The following MIER2 variants were observed in gnomAD, a reference collection of about 807,000 sequenced individuals.
MIER2 encodes the protein MIER family member 2, also known as mesoderm induction early response protein 2.
MIER2 carries 30 observed loss-of-function variants against 67.6 expected under a neutral mutation model. The ratio of observed to expected loss-of-function variants is 0.44; its 90% CI spans 0.33 to 0.60. MIER2 has a LOEUF of 0.60. Ranked by LOEUF, MIER2 falls within the 20% of genes least tolerant of loss-of-function variation. The probability of loss-of-function intolerance (pLI) is 0.02; values close to 1 mark genes in which losing one functional copy is unlikely to be tolerated. For synonymous variants in MIER2, 372 were observed against 312.6 expected (o/e 1.19, Z -2.00); for missense variants, 702 against 745.1 (o/e 0.94, Z 0.67).
Position 308,974 on chromosome 19 carries a change from AGCACCT to A in MIER2, c.985-55_985-50del. 6.3e-7 allele frequency: 1 copy of A among 1,575,174 alleles called. No individual in the cohort carries two copies. The highest frequency in any genetic ancestry group is 8.7e-7 in the Non-Finnish European group (1 of 1,154,396). ...TCTCTGTCCCCGGCTGCCCAGCCCC[AGCACCT>A]GCACCACGATCCCAGGACGTCCTGG... On this transcript the variant is annotated intron_variant, in intron 10 of 13. Transcript: ENST00000264819. This position sits in a 1 kb window ranked among gnomAD's most constrained non-coding sequence, Gnocchi z 9.1.
chr19:311,639 G>A (rs1270201475), intron 10 of MIER2, among the ~76,000 whole-genome samples: 2 of 152,324 alleles, frequency 1.3e-5, no homozygotes, highest in East Asian at 3.9e-4. Context: ...CCCAAAGCCA[G>A]AGCCTTGTTC....
chr19:315,595 T>C (rs140766168), intron 7 of MIER2, among the ~76,000 whole-genome samples: 156 of 152,332 alleles, frequency 1.0e-3, no homozygotes, highest in African/African-American at 3.7e-3. Flanking sequence ...ACAGCTTTTT[T>C]ACCAGCAGCC....
At position 334,499 on chromosome 19, in the gene MIER2, C is replaced by A. The variant is rs748112695; in HGVS notation, c.144G>T (p.Glu48Asp). Residue 48 changes from glutamate to aspartate, a missense_variant, in exon 3 of 14, where the codon GAG becomes GAT. Coordinates refer to ENST00000264819, the MANE Select transcript of MIER2 (RefSeq NM_017550.3). ...GSGDHQFNLA[E>D]ILSQNYSVRG... ...TAACACTGTAGTTCTGTGACAGGATCTCTGCGAGGTTGAACTGATGGTCTC... is the reference window on the plus strand; with the variant it reads ...TAACACTGTAGTTCTGTGACAGGATATCTGCGAGGTTGAACTGATGGTCTC... 1.2e-6 allele frequency: 2 copies of A among 1,614,154 alleles called. No homozygotes were observed. The highest frequency in any genetic ancestry group is 2.2e-5 in the South Asian group (2 of 91,078).
In MIER2 at chr19:327,195, TCAG is replaced by T. The variant is rs780994155; in HGVS notation, c.428_430del (p.Ala143del). ...GGAGGTCACGGACGGGGTGAGGTCG[TCAG>T]CAGATGATTGCGTCTCTTCCTCTTC... On this transcript the variant is annotated inframe_deletion, in exon 5 of 14. Coordinates refer to ENST00000264819, the MANE Select transcript of MIER2 (RefSeq NM_017550.3). 1.9e-6 allele frequency: 3 copies of T among 1,593,898 alleles called. No individual in the cohort carries two copies. The highest frequency in any genetic ancestry group is 1.1e-5 in the South Asian group (1 of 87,434).
intron 5 of MIER2, 184 bp downstream of exon 5, chr19:326,949 A>G: frequency 1.3e-6 from 1 of 780,638 alleles, no homozygotes; most frequent in Non-Finnish European, 2.0e-6. Flanking sequence ...CTGAGAGTCC[A>G]GGCTCACTGG....
At chr19:310,639 A>G (rs8111494) in intron 10 of MIER2, among the ~76,000 whole-genome samples, 119,901 of 126,858 alleles carry the variant, frequency 0.95, 56,542 homozygotes, top group Middle Eastern at 0.97. Flanking sequence ...CTATAGAAAC[A>G]GCCCAGAGTC....
chr19:310,523 G>A (rs1293698554), intron 10 of MIER2, among the ~76,000 whole-genome samples: 3 of 149,434 alleles, frequency 2.0e-5, no homozygotes, highest in African/African-American at 5.0e-5. Flanking sequence ...GCGGCCCTGA[G>A]CTATAGAAAC....
rs546039421 is a variant in MIER2 at position 313,455 on chromosome 19, C to T, written c.807+37G>A. The T allele has an allele frequency of 2.5e-6, 4 of 1,598,728 alleles. No homozygotes were observed. In the South Asian group the frequency reaches 3.3e-5, roughly 13 times the overall value. ...TGAGCTCTGGCCCACGCCACGGCAG[C>T]CCTCAGCCCCTCTGTCCCCGGCATG... On this transcript the variant is annotated intron_variant, in intron 8 of 13. Coordinates refer to ENST00000264819, the MANE Select transcript of MIER2 (RefSeq NM_017550.3).
chr19:327,193 C>A lies in MIER2; in HGVS notation c.433G>T (p.Asp145Tyr). ...EEEETQSSAD[D>Y]LTPSVTSHEA... Reference sequence around the variant, plus strand: ...TGGGAGGTCACGGACGGGGTGAGGTCGTCAGCAGATGATTGCGTCTCTTCC... The same window carrying A: ...TGGGAGGTCACGGACGGGGTGAGGTAGTCAGCAGATGATTGCGTCTCTTCC... The change falls in exon 5 of 14, where the codon GAC becomes TAC. Residue 145 changes from aspartate to tyrosine, a missense_variant. By Grantham distance (160) the Asp-to-Tyr change is radical. Coordinates refer to ENST00000264819, the MANE Select transcript of MIER2 (RefSeq NM_017550.3). 6.3e-7 allele frequency: 1 copy of A among 1,595,326 alleles called. No individual in the cohort carries two copies. Among genetic ancestry groups the A allele is most frequent in the Admixed American group, 1.8e-5 (1 of 54,456 alleles).
At chr19:319,187 C>A (rs1237548100) in intron 7 of MIER2, among the ~76,000 whole-genome samples, 1 of 151,700 alleles carries the variant, frequency 6.6e-6, no homozygotes, top group African/African-American at 2.4e-5. Flanking sequence ...CATGGTGAAA[C>A]CCCATCTCTA....
Position 308,923 on chromosome 19 carries a change from C to G in MIER2, c.987G>C (p.Val329=). The G allele has an allele frequency of 6.2e-7, 1 of 1,600,996 alleles. No individual in the cohort carries two copies. Among genetic ancestry groups the G allele is most frequent in the Non-Finnish European group, 8.5e-7 (1 of 1,170,160 alleles). The change falls in exon 11 of 14, where the codon GTG becomes GTC. Residue 329 remains valine, a splice_region_variant and synonymous_variant. Coordinates refer to ENST00000264819, the MANE Select transcript of MIER2 (RefSeq NM_017550.3). This position sits in a 1 kb window ranked among gnomAD's most constrained non-coding sequence, Gnocchi z 9.1. Reference sequence around the variant, plus strand: ...CACACTCGCCCACTGACCGTGTGCGCACCTGCGGGGAGGGGTCAGGAGCCA... The same window carrying G: ...CACACTCGCCCACTGACCGTGTGCGGACCTGCGGGGAGGGGTCAGGAGCCA... ...KNFHLIQANK[V]RTRSVGECVE...
chr19:343,832 A>C, intron 1 of MIER2: 1 of 982,832 alleles, frequency 1.0e-6, no homozygotes, highest in Non-Finnish European at 1.2e-6. Flanking sequence ...CATCTTCACC[A>C]GGGCCCTCCA....
chr19:323,012 A>G (rs1408204454), intron 7 of MIER2, among the ~76,000 whole-genome samples: 1 of 151,994 alleles, frequency 6.6e-6, no homozygotes, highest in East Asian at 1.9e-4. Context: ...AAGGACCACA[A>G]CGCAATACAC....
chr19:334,609 A>T (rs533392353), intron 2 of MIER2, 67 bp from the exon 3 acceptor site: 1 of 1,569,496 alleles, frequency 6.4e-7, no homozygotes, highest in South Asian at 1.2e-5. Flanking sequence ...TGCCGAGACT[A>T]CTGACGCCTG....
At chr19:326,147 G>C (rs1172158022) in intron 6 of MIER2, among the ~76,000 whole-genome samples, 1 of 152,128 alleles carries the variant, frequency 6.6e-6, no homozygotes, top group Non-Finnish European at 1.5e-5. Context: ...AGCCATGGGA[G>C]GGATGCCAGG....
chr19:344,746 G>A, intron 1 of MIER2, 28 bp downstream of exon 1: 3 of 1,167,348 alleles, frequency 2.6e-6, no homozygotes, highest in Non-Finnish European at 3.2e-6. Context: ...GGGGGCGGGG[G>A]GCCGGCTCCC....
intron 7 of MIER2, among the ~76,000 whole-genome samples, chr19:321,736 G>T (rs530987772): frequency 2.0e-4 from 31 of 152,022 alleles, no homozygotes; most frequent in Non-Finnish European, 4.0e-4. Context: ...TACAAAGTTA[G>T]AAGACTTGCA....
chr19:322,889 G>A lies in MIER2; in HGVS notation c.655+2746C>T, dbSNP rs571191842. ...CATGGCAGAAAGGGTGGGTAAATGTGGCATCCAAACCAAGGACCACGATGC... is the reference window on the plus strand; with the variant it reads ...CATGGCAGAAAGGGTGGGTAAATGTAGCATCCAAACCAAGGACCACGATGC... On this transcript the variant is annotated intron_variant, in intron 7 of 13. Transcript: ENST00000264819. Among the ~76,000 whole-genome samples the A allele has an allele frequency of 5.3e-5, 8 of 152,186 alleles. No individual in the cohort carries two copies. In the South Asian group the frequency reaches 1.7e-3, roughly 32 times the overall value.
Position 327,260 on chromosome 19 carries a change from TAAA to T in MIER2, c.370-7_370-5del, listed in dbSNP as rs75198240. 4.9e-5 allele frequency: 72 copies of T among 1,461,028 alleles called. No homozygotes were observed. Among genetic ancestry groups the T allele is most frequent in the Admixed American group, 2.6e-4 (11 of 42,756 alleles). The allele number at this position is 1,461,028 out of a possible 1,614,324, so 90.5% of individuals were successfully genotyped here. A position where few individuals can be genotyped will look rare whatever the true frequency, so the allele number is the denominator to read the frequency against. ...GCAAATCCTTCGCTATTTGTTCCTT[TAAA>T]AAAAAAAAAAAAAGTAAAGAACATT... is the stretch of plus-strand genomic sequence containing the variant. On this transcript the variant is annotated splice_region_variant and splice_polypyrimidine_tract_variant and intron_variant, in intron 4 of 13. Coordinates refer to ENST00000264819, the MANE Select transcript of MIER2 (RefSeq NM_017550.3).
Sources: allele counts gnomAD v4.1 joint callset (sites outside exome capture counted in the v4.1 genomes callset), GRCh38; gene constraint gnomAD v4.1.1; non-coding constraint Gnocchi (gnomAD v3.1); transcripts MANE v1.5; gene names NCBI Gene and HGNC (gene_info 2026-07-23, HGNC 2026-07-21).